ARHGAP6: variants seen among roughly 807,000 people sequenced by gnomAD.
ARHGAP6 encodes Rho GTPase activating protein 6.
A neutral mutation model predicts 55.7 loss-of-function variants in ARHGAP6; 16 were observed. The observed-to-expected ratio is 0.29, with a 90% confidence interval of 0.19 to 0.44. The LOEUF (loss-of-function observed/expected upper bound fraction) is 0.44. Ranked by LOEUF, ARHGAP6 falls within the 20% of genes least tolerant of loss-of-function variation. The pLI, the probability that ARHGAP6 is intolerant of heterozygous loss-of-function variation, is 1.00. For missense variants in ARHGAP6, 698 were observed against 808.9 expected, an observed-to-expected ratio of 0.86 and a Z score of 1.66; for synonymous variants, 382 against 360.9, an observed-to-expected ratio of 1.06 and a Z score of -0.66.
intron 1 of ARHGAP6, among the ~76,000 whole-genome samples, chrX:11,378,835 C>T (rs752638763): frequency 2.7e-5 from 3 of 112,538 alleles, no homozygotes; most frequent in Non-Finnish European, 5.6e-5. Flanking sequence ...ACTCTCTATC[C>T]AGTTTTATTT....
At chrX:11,586,584 A>G (rs1202003040) in intron 1 of ARHGAP6, among the ~76,000 whole-genome samples, 2 of 111,527 alleles carry the variant, frequency 1.8e-5, no homozygotes, top group Non-Finnish European at 3.8e-5. Context: ...GCCCCATAGT[A>G]TAGTTTGAAG....
intron 5 of ARHGAP6, among the ~76,000 whole-genome samples, chrX:11,184,653 CAG>C (rs1246106909): frequency 1.8e-5 from 2 of 112,512 alleles, no homozygotes; most frequent in East Asian, 2.8e-4. Context: ...TCAGTTCACT[CAG>C]AGTCTATTTC....
chrX:11,653,861 G>A (rs750152016), intron 1 of ARHGAP6, among the ~76,000 whole-genome samples: 3 of 111,722 alleles, frequency 2.7e-5, no homozygotes, highest in Non-Finnish European at 5.7e-5. Flanking sequence ...GAGTCTCAGT[G>A]TCCTCACTCA....
chrX:11,375,657 T>C (rs1037691230), intron 1 of ARHGAP6, among the ~76,000 whole-genome samples: 2 of 112,162 alleles, frequency 1.8e-5, no homozygotes, highest in East Asian at 5.6e-4. Context: ...TCAGTACCAA[T>C]GGCTTCTCCC....
At chrX:11,221,074 A>C (rs755323212) in intron 2 of ARHGAP6, among the ~76,000 whole-genome samples, 14 of 112,533 alleles carry the variant, frequency 1.2e-4, no homozygotes, top group African/African-American at 4.5e-4. Flanking sequence ...ATTCAACAAG[A>C]AGAGCTAACT....
At chrX:11,444,738 A>T (rs752419032) in intron 1 of ARHGAP6, among the ~76,000 whole-genome samples, 12,728 of 111,653 alleles carry the variant, frequency 0.11, 655 homozygotes, top group Admixed American at 0.2. Context: ...GGTCAAGGGC[A>T]TATTACTACC....
chrX:11,241,043 G>A (rs1339074770), intron 2 of ARHGAP6, among the ~76,000 whole-genome samples: 4 of 98,034 alleles, frequency 4.1e-5, no homozygotes, highest in Non-Finnish European at 8.1e-5. Flanking sequence ...CAGCCGGAGC[G>A]ACAGAGTAGT....
chrX:11,330,710 G>A (rs1400772183), intron 1 of ARHGAP6, among the ~76,000 whole-genome samples: 1 of 111,919 alleles, frequency 8.9e-6, no homozygotes, highest in Non-Finnish European at 1.9e-5. Context: ...TAATAGAACA[G>A]TGGAGAAACT....
chrX:11,561,119 CTATT>C (rs1258127740), intron 1 of ARHGAP6, among the ~76,000 whole-genome samples: 1 of 112,090 alleles, frequency 8.9e-6, no homozygotes, highest in Non-Finnish European at 1.9e-5. Flanking sequence ...AAAATATTCA[CTATT>C]TATCCCTTAC....
At chrX:11,349,488 A>T (rs2048830861) in intron 1 of ARHGAP6, among the ~76,000 whole-genome samples, 1 of 111,654 alleles carries the variant, frequency 9.0e-6, no homozygotes, top group Non-Finnish European at 1.9e-5. Context: ...CTAGAATAGC[A>T]TCTGCACATA....
chrX:11,556,406 C>T (rs182442801), intron 1 of ARHGAP6, among the ~76,000 whole-genome samples: 1 of 112,122 alleles, frequency 8.9e-6, no homozygotes, highest in Admixed American at 9.4e-5. Context: ...ACAAGGAAGA[C>T]CCAAGAGGCC....
At chrX:11,323,210 C>T (rs977503043) in intron 1 of ARHGAP6, among the ~76,000 whole-genome samples, 8 of 112,009 alleles carry the variant, frequency 7.1e-5, no homozygotes, top group African/African-American at 9.7e-5. Flanking sequence ...TAGTCAAACA[C>T]GCTAGTAAAA....
intron 1 of ARHGAP6, among the ~76,000 whole-genome samples, chrX:11,504,826 C>T: frequency 8.9e-6 from 1 of 112,049 alleles, no homozygotes; most frequent in East Asian, 2.8e-4. Flanking sequence ...CAGCCACCAA[C>T]AATGCTAGAA....
At chrX:11,322,799 G>A (rs1202082888) in intron 1 of ARHGAP6, among the ~76,000 whole-genome samples, 1 of 112,098 alleles carries the variant, frequency 8.9e-6, no homozygotes, top group African/African-American at 3.2e-5. Flanking sequence ...TATTTCTTAG[G>A]TATAAACATT....
chrX:11,376,022 GGAAA>G (rs1462218987), intron 1 of ARHGAP6, among the ~76,000 whole-genome samples: 1 of 111,620 alleles, frequency 9.0e-6, no homozygotes, highest in East Asian at 2.8e-4. Flanking sequence ...GTGTAGCAAG[GGAAA>G]GAAATAGTAA....
At chrX:11,234,627 C>T (rs1348566968) in intron 2 of ARHGAP6, among the ~76,000 whole-genome samples, 4 of 112,184 alleles carry the variant, frequency 3.6e-5, no homozygotes, top group African/African-American at 1.3e-4. Flanking sequence ...CCAAATGTTG[C>T]AAAAACTAAG....
At chrX:11,267,162 TAATATC>T (rs1018322151) in intron 1 of ARHGAP6, among the ~76,000 whole-genome samples, 1 of 112,131 alleles carries the variant, frequency 8.9e-6, no homozygotes, top group African/African-American at 3.2e-5. Flanking sequence ...TCTAATATCT[TAATATC>T]AATATATCTA....
Position 11,144,360 on chromosome X carries a change from G to GA in ARHGAP6, c.1908-113dup, listed in dbSNP as rs2045660910. On this transcript the variant is annotated intron_variant, in intron 10 of 12. Transcript: ENST00000337414. Reference sequence around the variant, plus strand: ...GGAGGAGTATGCGTGGACACGGGCTGAAACAAAAAGACCATTTTGAGCAAT... The same window carrying GA: ...GGAGGAGTATGCGTGGACACGGGCTGAAAACAAAAAGACCATTTTGAGCAAT... 39 of 995,567 alleles carry GA rather than the reference G, an allele frequency of 3.9e-5. No individual in the cohort carries two copies. The South Asian group carries it at 8.4e-4, about 21-fold the overall frequency. 82.0% of individuals were successfully genotyped at this position (995,567 alleles called of 1,213,427 possible).
At chrX:11,211,519 T>C (rs1411920111) in intron 2 of ARHGAP6, among the ~76,000 whole-genome samples, 12 of 103,969 alleles carry the variant, frequency 1.2e-4, no homozygotes, top group East Asian at 6.2e-4. Context: ...CGTGGGCCAC[T>C]GCGCCTGGCC....
Sources: allele counts gnomAD v4.1 joint callset (sites outside exome capture counted in the v4.1 genomes callset), GRCh38; gene constraint gnomAD v4.1.1; transcripts MANE v1.5; gene names NCBI Gene and HGNC (gene_info 2026-07-23, HGNC 2026-07-21).